Variants in USH2A observed in about 807,000 individuals in gnomAD.
USH2A encodes the protein usherin.
USH2A carries 443 observed loss-of-function variants against 538.9 expected under a neutral mutation model. That is an observed-to-expected ratio of 0.82 (90% confidence interval 0.76 to 0.89). The LOEUF (loss-of-function observed/expected upper bound fraction) is 0.89, where lower values mean the gene tolerates loss of function less well. Among genes scored for constraint, USH2A ranks in the 40% least tolerant of loss-of-function variants. USH2A has a pLI of 0.00. For missense variants in USH2A, 6,633 were observed against 6,324.8 expected (o/e 1.05, Z -1.65); for synonymous variants, 2,413 against 2,273.5 (o/e 1.06, Z -1.75).
At chr1:215,650,916 C>G (rs1287832900) in intron 64 of USH2A, 115 bp from the exon 65 acceptor site, 1 of 1,095,844 alleles carries the variant, frequency 9.1e-7, no homozygotes, top group East Asian at 2.5e-5. Flanking sequence ...CTAAACACAA[C>G]AGGAAGAGAT....
At chr1:216,259,920 A>G (rs1048023519) in intron 11 of USH2A, among the ~76,000 whole-genome samples, 3 of 152,126 alleles carry the variant, frequency 2.0e-5, no homozygotes, top group African/African-American at 7.2e-5. Context: ...CGAAAAATGA[A>G]ATGAAGAAAT....
chr1:215,751,576 T>C (rs148860120), intron 58 of USH2A, among the ~76,000 whole-genome samples: 1 of 152,290 alleles, frequency 6.6e-6, no homozygotes, highest in Non-Finnish European at 1.5e-5. Flanking sequence ...CTATCTCCAT[T>C]GTCATTCTGA....
chr1:215,952,960 C>A (rs1201912791), intron 37 of USH2A, among the ~76,000 whole-genome samples: 4 of 152,134 alleles, frequency 2.6e-5, no homozygotes, highest in Admixed American at 1.3e-4. Context: ...AAATCCCATT[C>A]ACAATTGCTT....
At chr1:216,417,331 C>T (rs973507068) in intron 3 of USH2A, among the ~76,000 whole-genome samples, 2 of 151,662 alleles carry the variant, frequency 1.3e-5, no homozygotes, top group Admixed American at 6.6e-5. Context: ...TGTAAATGTC[C>T]TCTAGTTCAA....
At chr1:215,972,395 G>C (rs1200688695) in intron 35 of USH2A, among the ~76,000 whole-genome samples, 2 of 152,096 alleles carry the variant, frequency 1.3e-5, no homozygotes, top group Admixed American at 6.6e-5. Context: ...GTCCCATAAT[G>C]GTTCAAATGT....
intron 9 of USH2A, among the ~76,000 whole-genome samples, chr1:216,293,022 T>C (rs2037032487): frequency 8.1e-6 from 1 of 123,524 alleles, no homozygotes; most frequent in East Asian, 2.8e-4. Flanking sequence ...CACAAGCATC[T>C]TTTTTTTTTT....
chr1:216,111,646 T>A (rs1406065335), intron 21 of USH2A, among the ~76,000 whole-genome samples: 1 of 150,798 alleles, frequency 6.6e-6, no homozygotes, highest in African/African-American at 2.4e-5. Context: ...TATAAATAAC[T>A]GCTGAAAAAC....
At chr1:216,393,443 A>G (rs1026326190) in intron 3 of USH2A, among the ~76,000 whole-genome samples, 4 of 152,160 alleles carry the variant, frequency 2.6e-5, no homozygotes, top group Admixed American at 6.5e-5. Flanking sequence ...GTCGGAACAC[A>G]CAAACTAGGA....
chr1:216,078,438 C>A, intron 26 of USH2A, 76 bp from the exon 27 acceptor site: 1 of 1,425,020 alleles, frequency 7.0e-7, no homozygotes, highest in South Asian at 1.2e-5. Flanking sequence ...AGCAGAAAGT[C>A]AATTTCTTGA....
intron 34 of USH2A, 108 bp downstream of exon 34, chr1:215,998,779 A>G (rs1668194820): frequency 1.6e-6 from 2 of 1,271,960 alleles, no homozygotes; most frequent in Non-Finnish European, 2.2e-6. Context: ...ATACATGAAG[A>G]TTTTGACTTT....
chr1:215,779,804 A>T (rs772500917), intron 55 of USH2A, 39 bp downstream of exon 55: 1 of 1,607,140 alleles, frequency 6.2e-7, no homozygotes, highest in Admixed American at 1.7e-5. Context: ...ACAATGACAG[A>T]CTCCTCCAGT....
chr1:216,340,939 C>A (rs1309234920), intron 4 of USH2A, among the ~76,000 whole-genome samples: 3 of 152,038 alleles, frequency 2.0e-5, no homozygotes, highest in African/African-American at 7.2e-5. Context: ...TGGCACAAGA[C>A]AAGGATCCCT....
chr1:215,703,396 G>A (rs1164002052), intron 61 of USH2A, among the ~76,000 whole-genome samples: 2 of 152,220 alleles, frequency 1.3e-5, no homozygotes, highest in African/African-American at 4.8e-5. Flanking sequence ...GTTTAAGTCT[G>A]CTGAAGTTGC....
In USH2A at chr1:215,743,371, C is replaced by CATATATATATATAT. The variant is rs376081393; in HGVS notation, c.11390-50_11390-37dup. ...AGAGAGAGAGAGAGAACATTAAAAA[C>CATATATATATATAT]ATATATATATATATATGTGTGTGTG... is the stretch of plus-strand genomic sequence containing the variant. On this transcript the variant is annotated intron_variant, in intron 58 of 71. Coordinates refer to ENST00000307340, the MANE Select transcript of USH2A (RefSeq NM_206933.4). The CATATATATATATAT allele has an allele frequency of 1.1e-4, 45 of 406,140 alleles. 5 individuals are homozygous for CATATATATATATAT. The highest frequency in any genetic ancestry group is 7.1e-4 in the Middle Eastern group (1 of 1,406). 25.2% of individuals were successfully genotyped at this position (406,140 alleles called of 1,614,324 possible).
chr1:215,969,904 C>T (rs1667449679), intron 36 of USH2A, among the ~76,000 whole-genome samples: 1 of 152,028 alleles, frequency 6.6e-6, no homozygotes, highest in Admixed American at 6.6e-5. Context: ...GAAGCAAAAT[C>T]TAATTAATCA....
intron 54 of USH2A, 45 bp from the exon 55 acceptor site, chr1:215,780,086 T>C (rs781483876): frequency 1.3e-6 from 2 of 1,509,832 alleles, no homozygotes; most frequent in African/African-American, 1.4e-5. Context: ...AATAGTGCAC[T>C]AGCTATCCTG....
Position 216,125,412 on chromosome 1 carries a change from T to C in USH2A, c.4628-28199A>G, listed in dbSNP as rs572344917. On this transcript the variant is annotated intron_variant, in intron 21 of 71. Coordinates refer to ENST00000307340, the MANE Select transcript of USH2A (RefSeq NM_206933.4). The stretch of plus-strand genomic sequence containing the variant: ...CTGCCATGTTCTAGACATACACTGT[T>C]AGTATTTTCTCTAAAGTAAGATGAA... Among the ~76,000 whole-genome samples, 19 of 152,282 alleles carry C rather than the reference T, an allele frequency of 1.2e-4. No individual in the cohort carries two copies. The East Asian group carries it at 3.5e-3, about 28-fold the overall frequency.
chr1:215,851,963 A>T (rs570444615), intron 44 of USH2A, among the ~76,000 whole-genome samples: 33 of 152,326 alleles, frequency 2.2e-4, no homozygotes, highest in African/African-American at 7.9e-4. Flanking sequence ...ATCAATGCAG[A>T]GAAAGCCTTT....
At chr1:215,770,650 A>C (rs991747987) in intron 55 of USH2A, among the ~76,000 whole-genome samples, 2 of 152,174 alleles carry the variant, frequency 1.3e-5, no homozygotes, top group African/African-American at 4.8e-5. Flanking sequence ...TTTATTGAGC[A>C]TGTACTACTA....
Sources: allele counts gnomAD v4.1 joint callset (sites outside exome capture counted in the v4.1 genomes callset), GRCh38; gene constraint gnomAD v4.1.1; transcripts MANE v1.5; gene names NCBI Gene and HGNC (gene_info 2026-07-23, HGNC 2026-07-21).